Variants in SLC29A3 observed in about 807,000 individuals in gnomAD.
SLC29A3 encodes equilibrative nucleoside transporter 3.
SLC29A3 carries 18 observed loss-of-function variants against 25.4 expected under a neutral mutation model. The observed-to-expected ratio is 0.71, with a 90% confidence interval of 0.49 to 1.05. SLC29A3 has a LOEUF of 1.05. Ranked by LOEUF, SLC29A3 falls within the 50% of genes least tolerant of loss-of-function variation. The probability of loss-of-function intolerance (pLI) is 0.00; values close to 1 mark genes in which losing one functional copy is unlikely to be tolerated. For synonymous variants in SLC29A3, 258 were observed against 267.1 expected, an observed-to-expected ratio of 0.97 and a Z score of 0.33; for missense variants, 586 against 609.0, an observed-to-expected ratio of 0.96 and a Z score of 0.40.
intron 1 of SLC29A3, among the ~76,000 whole-genome samples, chr10:71,320,065 T>C (rs183810548): frequency 6.6e-5 from 10 of 152,326 alleles, no homozygotes; most frequent in Admixed American, 3.3e-4. Flanking sequence ...AAGACTTTGC[T>C]CACTCCAGTG....
chr10:71,334,206 G>T (rs1164547404), intron 2 of SLC29A3, among the ~76,000 whole-genome samples: 2 of 152,240 alleles, frequency 1.3e-5, no homozygotes, highest in African/African-American at 4.8e-5. Flanking sequence ...GGGCCAGATG[G>T]TTCGTATTTT....
intron 1 of SLC29A3, chr10:71,319,614 G>C (rs1845801384): frequency 2.8e-6 from 1 of 352,194 alleles, no homozygotes; most frequent in African/African-American, 2.1e-5. Context: ...GTATCCAGAC[G>C]GTGGCTGATT....
At chr10:71,366,944 C>T (rs1293604829), downstream of SLC29A3, among the ~76,000 whole-genome samples, 1 of 152,192 alleles carries the variant, frequency 6.6e-6, no homozygotes. Flanking sequence ...TTGCTCTTCA[C>T]CCACTCGCTG....
intron 1 of SLC29A3, among the ~76,000 whole-genome samples, chr10:71,321,948 ACTGTCAGAGGCTACACACCAGCTT>A: frequency 6.6e-6 from 1 of 152,354 alleles, no homozygotes; most frequent in Admixed American, 6.5e-5. Context: ...ATGGGAATGG[ACTGTCAGAGGCTACACACCAGCTT>A]CTGGAGGCAG....
rs147851213 is a variant in SLC29A3, at chr10:71,324,382, C to T, written c.300+1328C>T. Among the ~76,000 whole-genome samples the T allele has an allele frequency of 1.1e-4, 17 of 152,200 alleles. No homozygotes were observed. The East Asian group carries it at 2.9e-3, about 26-fold the overall frequency. On this transcript the variant is annotated intron_variant, in intron 2 of 5. Transcript: ENST00000373189. ...TTTCCTATTCCTGGTTCTGTAAGAC[C>T]GACTGAGTATGCTTGGGTTTTGGTA...
In SLC29A3 at chr10:71,361,962, T is replaced by G; in HGVS notation, c.782T>G (p.Met261Arg). Residue 261 changes from methionine (M) to arginine (R), a missense_variant, in exon 6 of 6, where the codon ATG (methionine) becomes AGG (arginine). By Grantham distance (91) the Met-to-Arg change is moderately conservative. Coordinates refer to ENST00000373189, the MANE Select transcript of SLC29A3 (RefSeq NM_018344.6). ...LSRLEYARYY[M>R]RPVLAAHVFS... ...CTGTCTCCTCCCTGCAGGTACTACA[T>G]GAGGCCTGTTCTTGCGGCCCATGTG... The G allele has an allele frequency of 6.2e-7, 1 of 1,614,132 alleles. No individual in the cohort carries two copies. The highest frequency in any genetic ancestry group is 8.5e-7 in the Non-Finnish European group (1 of 1,180,020).
intron 2 of SLC29A3, among the ~76,000 whole-genome samples, chr10:71,339,580 G>A (rs1846342354): frequency 6.6e-6 from 1 of 152,056 alleles, no homozygotes; most frequent in African/African-American, 2.4e-5. Flanking sequence ...GCCCTCCTGT[G>A]GATGGGATGG....
At chr10:71,343,510 A>G (rs1049756345) in intron 2 of SLC29A3, among the ~76,000 whole-genome samples, 3 of 152,162 alleles carry the variant, frequency 2.0e-5, no homozygotes, top group Non-Finnish European at 4.4e-5. Flanking sequence ...TCTAGGAGCT[A>G]CTTCCCCAAA....
intron 2 of SLC29A3, among the ~76,000 whole-genome samples, chr10:71,325,248 C>G (rs985632781): frequency 6.6e-6 from 1 of 152,174 alleles, no homozygotes; most frequent in African/African-American, 2.4e-5. Flanking sequence ...AGGGAGGCAT[C>G]CCTGTTGTCC....
rs1431577744 is a variant in SLC29A3 at position 71,323,031 on chromosome 10, G to A, written c.277G>A (p.Asp93Asn). ...CTCCTCCAGCCCAGCCACCGGGGAGGACCCTGAGGGCTCAGACATCCTGGT... is the reference window on the plus strand; with the variant it reads ...CTCCTCCAGCCCAGCCACCGGGGAGAACCCTGAGGGCTCAGACATCCTGGT... ...RNSSSPATGE[D>N]PEGSDILNYF... Residue 93 changes from aspartate (D) to asparagine (N), a missense_variant, in exon 2 of 6, where the codon GAC becomes AAC. Coordinates refer to ENST00000373189, the MANE Select transcript of SLC29A3 (RefSeq NM_018344.6). 2 of 1,613,436 alleles carry A rather than the reference G, an allele frequency of 1.2e-6. No individual in the cohort carries two copies. Among genetic ancestry groups the A allele is most frequent in the African/African-American group, 2.7e-5 (2 of 74,946 alleles).
At chr10:71,319,642 G>T in intron 1 of SLC29A3, 1 of 312,526 alleles carries the variant, frequency 3.2e-6, no homozygotes, top group Non-Finnish European at 5.8e-6. Flanking sequence ...TCCCAGCTGC[G>T]GGGCCTGAGG....
intron 5 of SLC29A3, among the ~76,000 whole-genome samples, chr10:71,358,382 G>A (rs1250442994): frequency 1.3e-5 from 2 of 152,194 alleles, no homozygotes; most frequent in South Asian, 2.1e-4. Context: ...GGGTTCTGAG[G>A]ATAGGAGGGG....
intron 2 of SLC29A3, 81 bp from the exon 3 acceptor site, chr10:71,344,127 AG>A: frequency 9.0e-7 from 1 of 1,105,220 alleles, no homozygotes. Flanking sequence ...CCCCACAGAG[AG>A]GGGCCCTGTC....
chr10:71,320,262 C>T (rs989945892), intron 1 of SLC29A3, among the ~76,000 whole-genome samples: 6 of 152,158 alleles, frequency 3.9e-5, no homozygotes, highest in African/African-American at 1.4e-4. Flanking sequence ...AACCACTTGC[C>T]GGTTCTCTCT....
chr10:71,369,270 T>C, intron 3 of SLC29A3, among the ~76,000 whole-genome samples: 1 of 152,230 alleles, frequency 6.6e-6, no homozygotes, highest in East Asian at 1.9e-4. Context: ...ATGATATTTT[T>C]GTTATAGTAG....
At chr10:71,364,402 A>G (rs1847146754), downstream of SLC29A3, 1 of 152,174 alleles carries the variant, frequency 6.6e-6, no homozygotes, top group East Asian at 1.9e-4. Flanking sequence ...GGCCCCTCAC[A>G]TTGGCGATCT....
chr10:71,327,992 G>A (rs1321428217), intron 2 of SLC29A3, among the ~76,000 whole-genome samples: 1 of 152,094 alleles, frequency 6.6e-6, no homozygotes, highest in Admixed American at 6.5e-5. Flanking sequence ...GAACAAAACA[G>A]TGAGCTGGAC....
exon 5 of SLC29A3, chr10:71,380,174 C>G (rs919934755): frequency 1.3e-5 from 2 of 152,198 alleles, no homozygotes; most frequent in Non-Finnish European, 2.9e-5. Context: ...GCCCTCACCC[C>G]ACGGCTTTTA....
chr10:71,369,223 A>G (rs1454503486), intron 3 of SLC29A3, among the ~76,000 whole-genome samples: 1 of 152,226 alleles, frequency 6.6e-6, no homozygotes, highest in East Asian at 1.9e-4. Context: ...TAGAACTGTG[A>G]GGAATAAATT....
Sources: gnomAD v4.1 joint callset for allele counts (sites outside exome capture counted in the v4.1 genomes callset) on GRCh38, gnomAD v4.1.1 for gene constraint, MANE v1.5 for transcripts, NCBI Gene and HGNC (gene_info 2026-07-23, HGNC 2026-07-21) for gene names.